COL4A4: variants seen among roughly 807,000 people sequenced by gnomAD.
COL4A4 encodes collagen alpha-4(IV) chain.
Under a neutral mutation model 192.9 loss-of-function variants are expected in COL4A4, and 105 were observed. The ratio of observed to expected loss-of-function variants is 0.54; its 90% CI spans 0.46 to 0.64. The LOEUF (loss-of-function observed/expected upper bound fraction) is 0.64, where lower values mean the gene tolerates loss of function less well. COL4A4 is among the 30% of genes least tolerant of loss of function. COL4A4 has a pLI of 0.00. For synonymous variants in COL4A4, 762 were observed against 769.9 expected (o/e 0.99, Z 0.17); for missense variants, 1,967 against 2,169.3 (o/e 0.91, Z 1.85).
intron 42 of COL4A4, among the ~76,000 whole-genome samples, chr2:227,027,485 G>A (rs564390176): frequency 1.7e-4 from 23 of 138,190 alleles, no homozygotes; most frequent in Non-Finnish European, 2.5e-4. Context: ...TGTGGAGTGG[G>A]AGGAGGGGGG....
chr2:227,037,139 G>A (rs984911358), intron 37 of COL4A4, among the ~76,000 whole-genome samples: 1 of 152,128 alleles, frequency 6.6e-6, no homozygotes, highest in Non-Finnish European at 1.5e-5. Context: ...AGAATGTGCA[G>A]GTTTTTTACA....
In COL4A4 at chr2:227,012,313, T is replaced by C. The variant is rs1277011472; in HGVS notation, c.4217-16A>G. ...CCTTTGCACCCTGCACAAAAGTTTA[T>C]GATGCTGGTGGTGAAAGCAACCATG... On this transcript the variant is annotated splice_polypyrimidine_tract_variant and intron_variant, in intron 44 of 47. Coordinates refer to ENST00000396625, the MANE Select transcript of COL4A4 (RefSeq NM_000092.5). 2 of 1,600,874 alleles carry C rather than the reference T, an allele frequency of 1.2e-6. No homozygotes were observed. The highest frequency in any genetic ancestry group is 1.7e-6 in the Non-Finnish European group (2 of 1,168,182).
intron 1 of COL4A4, among the ~76,000 whole-genome samples, chr2:227,158,411 T>A (rs114541803): frequency 0.03 from 4,495 of 152,158 alleles, 121 homozygotes; most frequent in Non-Finnish European, 0.043. Flanking sequence ...TTCTGCAATT[T>A]TGGCATAGGT....
Position 227,088,799 on chromosome 2 carries a change from C to T in COL4A4, c.1477G>A (p.Ala493Thr). The change falls in exon 22 of 48, where the codon GCC becomes ACC. Residue 493 changes from alanine to threonine, a missense_variant. Ala to Thr is a moderately conservative substitution (Grantham distance 58). Coordinates refer to ENST00000396625, the MANE Select transcript of COL4A4 (RefSeq NM_000092.5). ...KGEKGNEGLCACEPGPMGPPG... is the reference protein window; with the variant it reads ...KGEKGNEGLCTCEPGPMGPPG... ...GGGCCCATGGGTCCAGGCTCACAGG[C>T]ACAGAGTCCTTCATTTCCTAGACAG... 1 of 1,614,150 alleles carries T rather than the reference C, an allele frequency of 6.2e-7. No individual in the cohort carries two copies. The highest frequency in any genetic ancestry group is 8.5e-7 in the Non-Finnish European group (1 of 1,180,022).
At chr2:227,132,619 T>G (rs2062552806) in intron 4 of COL4A4, among the ~76,000 whole-genome samples, 1 of 151,886 alleles carries the variant, frequency 6.6e-6, no homozygotes, top group Non-Finnish European at 1.5e-5. Flanking sequence ...CTACTAAAAA[T>G]ACAAAAATTA....
chr2:227,077,430 G>T (rs767208629), intron 25 of COL4A4, among the ~76,000 whole-genome samples: 1 of 152,148 alleles, frequency 6.6e-6, no homozygotes, highest in African/African-American at 2.4e-5. Context: ...TCATAAGTGG[G>T]AGTTGAACAA....
chr2:227,129,780 T>C (rs563437154), intron 4 of COL4A4, among the ~76,000 whole-genome samples: 53 of 152,294 alleles, frequency 3.5e-4, no homozygotes, highest in African/African-American at 1.3e-3. Context: ...ACCACTGTCT[T>C]GCACAGTATA....
chr2:227,111,061 C>T (rs946701623), intron 9 of COL4A4, among the ~76,000 whole-genome samples: 6 of 152,296 alleles, frequency 3.9e-5, no homozygotes, highest in South Asian at 4.1e-4. Flanking sequence ...CTGGTCTGGG[C>T]GGCCCTCGGT....
At chr2:227,132,024 T>C (rs1439348356) in intron 4 of COL4A4, among the ~76,000 whole-genome samples, 1 of 152,242 alleles carries the variant, frequency 6.6e-6, no homozygotes, top group Non-Finnish European at 1.5e-5. Flanking sequence ...TAAGCCACCA[T>C]GTATATGGTC....
intron 37 of COL4A4, among the ~76,000 whole-genome samples, chr2:227,039,605 C>A (rs1970378972): frequency 6.6e-6 from 1 of 152,120 alleles, no homozygotes; most frequent in African/African-American, 2.4e-5. Flanking sequence ...TTTAAGCCAC[C>A]AAGACACTTA....
chr2:226,995,588 C>T, the COL4A4 span: 1,155 of 1,087,080 alleles, frequency 1.1e-3, 4 homozygotes, highest in Non-Finnish European at 1.5e-3. Flanking sequence ...TTCCCCAAGC[C>T]CCTAATTCAT....
At chr2:227,091,601 G>A (rs1023301818) in intron 20 of COL4A4, among the ~76,000 whole-genome samples, 1 of 152,010 alleles carries the variant, frequency 6.6e-6, no homozygotes, top group African/African-American at 2.4e-5. Context: ...TTTCAGAAAT[G>A]AAGGATATAG....
At chr2:227,054,764 A>G in intron 30 of COL4A4, 27 bp from the exon 31 acceptor site, 4 of 1,603,870 alleles carry the variant, frequency 2.5e-6, no homozygotes, top group African/African-American at 1.3e-5. Context: ...ATAAAGTTTT[A>G]GGAAAATATT....
intron 30 of COL4A4, among the ~76,000 whole-genome samples, chr2:227,055,242 C>T (rs556534451): frequency 6.6e-5 from 10 of 152,078 alleles, no homozygotes; most frequent in South Asian, 2.1e-4. Flanking sequence ...CAGTTGGGCA[C>T]GGTGACTCAG....
At chr2:227,142,640 C>G (rs964156522) in intron 3 of COL4A4, among the ~76,000 whole-genome samples, 1 of 151,920 alleles carries the variant, frequency 6.6e-6, no homozygotes, top group African/African-American at 2.4e-5. Context: ...GCCTGGAATC[C>G]CAGCTACTCA....
chr2:227,107,397 T>C (rs779650732), intron 12 of COL4A4, among the ~76,000 whole-genome samples: 3 of 152,212 alleles, frequency 2.0e-5, no homozygotes, highest in Non-Finnish European at 4.4e-5. Flanking sequence ...TCTGTGTATA[T>C]TTTAATGTCT....
the COL4A4 span, among the ~76,000 whole-genome samples, chr2:226,986,824 A>G: frequency 6.6e-6 from 1 of 152,264 alleles, no homozygotes; most frequent in Non-Finnish European, 1.5e-5. Context: ...GCAATCCATT[A>G]CTGGGTATAT....
At position 227,033,450 on chromosome 2, in the gene COL4A4, C is replaced by G. The variant is rs1399202669; in HGVS notation, c.3537G>C (p.Leu1179Phe). 1 of 1,613,570 alleles carries G rather than the reference C, an allele frequency of 6.2e-7. No individual in the cohort carries two copies. The highest frequency in any genetic ancestry group is 8.5e-7 in the Non-Finnish European group (1 of 1,180,018). ...GPSGSPGLNG[L>F]HGLKGQKGTK... Reference sequence around the variant, plus strand: ...TTCCTTTCTGACCTTTCAATCCATGCAAGCCGTTCAGGCCAGGTGATCCGG... The same window carrying G: ...TTCCTTTCTGACCTTTCAATCCATGGAAGCCGTTCAGGCCAGGTGATCCGG... The change falls in exon 38 of 48, where the codon TTG becomes TTC. Residue 1179 changes from leucine (L) to phenylalanine (F), a missense_variant. Transcript: ENST00000396625.
chr2:227,004,013 A>G lies in COL4A4; in HGVS notation c.*3312T>C, dbSNP rs1961547573. On this transcript the variant is annotated 3_prime_UTR_variant, in exon 48 of 48. Coordinates refer to ENST00000396625, the MANE Select transcript of COL4A4 (RefSeq NM_000092.5). ...TCTTGCTGATGAAGACCTTATATGCAGAGCTGAACACCTAATGCCTAATGA... is the reference window on the plus strand; with the variant it reads ...TCTTGCTGATGAAGACCTTATATGCGGAGCTGAACACCTAATGCCTAATGA... The G allele has an allele frequency of 6.6e-6, 1 of 152,248 alleles. No individual in the cohort carries two copies. The highest frequency in any genetic ancestry group is 2.4e-5 in the African/African-American group (1 of 41,470). The allele number at this position is 152,248 out of a possible 1,614,324, so 9.4% of individuals were successfully genotyped here. A position where few individuals can be genotyped will look rare whatever the true frequency, so the allele number is the denominator to read the frequency against.
Sources: allele counts gnomAD v4.1 joint callset (sites outside exome capture counted in the v4.1 genomes callset), GRCh38; gene constraint gnomAD v4.1.1; transcripts MANE v1.5; gene names NCBI Gene and HGNC (gene_info 2026-07-23, HGNC 2026-07-21).